The following GUCY1A2 variants were observed in gnomAD, a reference collection of about 807,000 sequenced individuals.
GUCY1A2 encodes the protein guanylate cyclase soluble subunit alpha-2.
Under a neutral mutation model 63.5 loss-of-function variants are expected in GUCY1A2, and 27 were observed. The observed-to-expected ratio is 0.43, with a 90% CI of 0.31 to 0.59. The LOEUF (loss-of-function observed/expected upper bound fraction) is 0.59, where lower values mean the gene tolerates loss of function less well. GUCY1A2 is among the 20% of genes least tolerant of loss of function. GUCY1A2 has a pLI of 0.11. For missense variants in GUCY1A2, 768 were observed against 913.3 expected (o/e 0.84, Z 2.05); for synonymous variants, 364 against 343.5 (o/e 1.06, Z -0.66).
intron 4 of GUCY1A2, among the ~76,000 whole-genome samples, chr11:106,865,130 T>G (rs1859573234): frequency 6.7e-6 from 1 of 148,158 alleles, no homozygotes. Context: ...CTTAGGAGGG[T>G]GTATGTGTCC....
chr11:106,855,286 T>C (rs1859413659), intron 4 of GUCY1A2, among the ~76,000 whole-genome samples: 1 of 152,124 alleles, frequency 6.6e-6, no homozygotes, highest in Non-Finnish European at 1.5e-5. Context: ...AGTGGATGGC[T>C]GGGGATCTCT....
chr11:106,823,167 T>C (rs11824556), intron 4 of GUCY1A2, among the ~76,000 whole-genome samples: 4,843 of 152,186 alleles, frequency 0.032, 263 homozygotes, highest in African/African-American at 0.11. Flanking sequence ...ATGTTGAGGA[T>C]TGGGCTTCTG....
rs187720012 is a variant in GUCY1A2, at chr11:106,955,133, C to T, written c.488-14955G>A. Among the ~76,000 whole-genome samples the T allele has an allele frequency of 1.9e-3, 293 of 152,194 alleles. 2 individuals are homozygous for T. Among genetic ancestry groups the T allele is most frequent in the African/African-American group, 6.6e-3 (273 of 41,508 alleles). On this transcript the variant is annotated intron_variant, in intron 3 of 7. Coordinates refer to ENST00000526355, the MANE Select transcript of GUCY1A2 (RefSeq NM_000855.3). ...GATTACAGGCATGTGCCACCATGCC[C>T]AACTAATTTTGTATTTTTAGTAGAG...
intron 5 of GUCY1A2, among the ~76,000 whole-genome samples, chr11:106,789,430 A>T (rs1337005769): frequency 2.6e-5 from 4 of 152,102 alleles, no homozygotes; most frequent in Non-Finnish European, 5.9e-5. Flanking sequence ...CAAAACAGCA[A>T]TTTTCAGTTC....
chr11:106,720,040 A>G (rs1863287280), intron 6 of GUCY1A2, among the ~76,000 whole-genome samples: 1 of 152,222 alleles, frequency 6.6e-6, no homozygotes, highest in African/African-American at 2.4e-5. Context: ...TTATCAAAAA[A>G]ATATTCCTTT....
intron 4 of GUCY1A2, among the ~76,000 whole-genome samples, chr11:106,829,066 T>C (rs556061173): frequency 6.6e-6 from 1 of 152,364 alleles, no homozygotes; most frequent in Non-Finnish European, 1.5e-5. Flanking sequence ...GGGCATATCC[T>C]TAATATTTGC....
chr11:106,787,881 C>T (rs1231174023), intron 5 of GUCY1A2, among the ~76,000 whole-genome samples: 2 of 151,910 alleles, frequency 1.3e-5, no homozygotes, highest in Non-Finnish European at 2.9e-5. Flanking sequence ...ACTTACTTCC[C>T]TTCTTTTGGA....
intron 2 of GUCY1A2, among the ~76,000 whole-genome samples, chr11:106,980,024 C>G (rs967057084): frequency 7.2e-5 from 11 of 152,118 alleles, no homozygotes; most frequent in African/African-American, 2.4e-4. Context: ...TGGGGATTAC[C>G]CATCTCATTC....
At chr11:106,825,562 T>C (rs536536137) in intron 4 of GUCY1A2, among the ~76,000 whole-genome samples, 174 of 151,890 alleles carry the variant, frequency 1.1e-3, no homozygotes, top group African/African-American at 4.0e-3. Flanking sequence ...TGCCTTTATA[T>C]ACTTAGCTAT....
At chr11:106,704,110 A>C (rs1455838492) in intron 7 of GUCY1A2, among the ~76,000 whole-genome samples, 2 of 152,108 alleles carry the variant, frequency 1.3e-5, no homozygotes, top group Non-Finnish European at 2.9e-5. Flanking sequence ...CTTTGACCAA[A>C]TTACCAAACC....
intron 4 of GUCY1A2, among the ~76,000 whole-genome samples, chr11:106,833,522 T>C (rs995418363): frequency 1.3e-5 from 2 of 152,104 alleles, no homozygotes; most frequent in South Asian, 2.1e-4. Flanking sequence ...TCCTTAGCAC[T>C]TACTATCTAC....
intron 4 of GUCY1A2, among the ~76,000 whole-genome samples, chr11:106,858,303 A>G (rs1019599617): frequency 1.3e-5 from 2 of 152,162 alleles, no homozygotes; most frequent in African/African-American, 4.8e-5. Flanking sequence ...ATTATTTGTC[A>G]GGGAAAAGAT....
At chr11:106,898,758 T>C (rs1212807050) in intron 4 of GUCY1A2, among the ~76,000 whole-genome samples, 2 of 152,184 alleles carry the variant, frequency 1.3e-5, no homozygotes, top group Non-Finnish European at 2.9e-5. Flanking sequence ...AAATATTCCA[T>C]ATGATACTAT....
chr11:106,808,743 GC>G (rs1425566644), intron 5 of GUCY1A2, among the ~76,000 whole-genome samples: 5 of 152,066 alleles, frequency 3.3e-5, no homozygotes, highest in African/African-American at 1.2e-4. Flanking sequence ...GTGTAATAGT[GC>G]CCCAAGTATG....
Position 106,687,513 on chromosome 11 carries a change from G to A in GUCY1A2, c.*36C>T. On this transcript the variant is annotated 3_prime_UTR_variant, in exon 8 of 8. Coordinates refer to ENST00000526355, the MANE Select transcript of GUCY1A2 (RefSeq NM_000855.3). ...CATTGGTGACCCATGTTCTGGGCTT[G>A]TGCTTTTTGGAGGAGTCTTTGATCT... 6.7e-7 allele frequency: 1 copy of A among 1,494,096 alleles called. No homozygotes were observed. The highest frequency in any genetic ancestry group is 9.3e-7 in the Non-Finnish European group (1 of 1,071,198). The allele number at this position is 1,494,096 out of a possible 1,614,324, so 92.6% of individuals were successfully genotyped here.
chr11:106,817,275 C>T (rs1307935364), intron 4 of GUCY1A2, among the ~76,000 whole-genome samples: 1 of 151,986 alleles, frequency 6.6e-6, no homozygotes, highest in Non-Finnish European at 1.5e-5. Flanking sequence ...TCATCTTGCC[C>T]CCAAGATTTA....
chr11:106,885,503 T>C (rs1859886007), intron 4 of GUCY1A2, among the ~76,000 whole-genome samples: 1 of 152,190 alleles, frequency 6.6e-6, no homozygotes, highest in African/African-American at 2.4e-5. Context: ...TCCACTAGCA[T>C]ACATTCATTC....
chr11:106,882,629 C>T (rs1859840616), intron 4 of GUCY1A2, among the ~76,000 whole-genome samples: 2 of 152,090 alleles, frequency 1.3e-5, no homozygotes, highest in South Asian at 2.1e-4. Context: ...ATAAGAGAAG[C>T]TATCTGGATA....
At chr11:106,858,404 CTCA>C (rs1268244653) in intron 4 of GUCY1A2, among the ~76,000 whole-genome samples, 1 of 152,104 alleles carries the variant, frequency 6.6e-6, no homozygotes, top group Non-Finnish European at 1.5e-5. Flanking sequence ...AATGTCAATA[CTCA>C]TCATATATTT....
Sources: allele counts gnomAD v4.1 joint callset (sites outside exome capture counted in the v4.1 genomes callset), GRCh38; gene constraint gnomAD v4.1.1; transcripts MANE v1.5; gene names NCBI Gene and HGNC (gene_info 2026-07-23, HGNC 2026-07-21).